The following NUP155 variants were observed in gnomAD, a reference collection of about 807,000 sequenced individuals.
NUP155 encodes the protein nuclear pore complex protein Nup155.
NUP155 carries 71 observed loss-of-function variants against 180.4 expected under a neutral mutation model. That is an observed-to-expected ratio of 0.39 (90% CI 0.33 to 0.48). The LOEUF (loss-of-function observed/expected upper bound fraction) is 0.48, where lower values mean the gene tolerates loss of function less well. Among genes scored for constraint, NUP155 ranks in the 20% least tolerant of loss-of-function variants. The pLI is 0.91. For synonymous variants in NUP155, 582 were observed against 559.5 expected, an observed-to-expected ratio of 1.04 and a Z score of -0.57; for missense variants, 1,553 against 1,648.9, an observed-to-expected ratio of 0.94 and a Z score of 1.01.
At chr5:37,296,738 T>A (rs1194313080) in intron 32 of NUP155, among the ~76,000 whole-genome samples, 1 of 151,596 alleles carries the variant, frequency 6.6e-6, no homozygotes, top group Non-Finnish European at 1.5e-5. Context: ...CTTTAACAGC[T>A]TTTCAGAAAA....
At chr5:37,320,874 T>C (rs1300922489) in intron 20 of NUP155, among the ~76,000 whole-genome samples, 1 of 152,202 alleles carries the variant, frequency 6.6e-6, no homozygotes, top group Non-Finnish European at 1.5e-5. Flanking sequence ...AAATTATTAA[T>C]GCTGACTGAG....
rs2111591471 is a variant in NUP155, at chr5:37,351,094, A to G, written c.723+96T>C. On this transcript the variant is annotated intron_variant, in intron 6 of 34. Coordinates refer to ENST00000231498, the MANE Select transcript of NUP155 (RefSeq NM_153485.3). ...GCTTGAATATTTACCATAAAAATAT[A>G]TTAATGTCCTTATATAATTAGAAAA... 5.2e-6 allele frequency: 5 copies of G among 965,480 alleles called. No homozygotes were observed. The South Asian group carries it at 7.3e-5, about 14-fold the overall frequency. The allele number at this position is 965,480 out of a possible 1,614,324, so 59.8% of individuals were successfully genotyped here.
intron 21 of NUP155, among the ~76,000 whole-genome samples, chr5:37,317,415 G>A (rs1352921896): frequency 6.6e-6 from 1 of 151,626 alleles, no homozygotes; most frequent in Non-Finnish European, 1.5e-5. Context: ...TTGAACCCAG[G>A]AGGCAGAGGT....
At chr5:37,296,384 C>T (rs1269652348) in intron 32 of NUP155, among the ~76,000 whole-genome samples, 1 of 151,918 alleles carries the variant, frequency 6.6e-6, no homozygotes, top group Non-Finnish European at 1.5e-5. Context: ...TACCCCCAAC[C>T]CTGTGCTCTC....
chr5:37,292,599 A>G (rs953465699), intron 34 of NUP155, among the ~76,000 whole-genome samples: 4 of 152,162 alleles, frequency 2.6e-5, no homozygotes, highest in African/African-American at 9.7e-5. Flanking sequence ...TAAATGGCCA[A>G]TAATATCACA....
Position 37,370,951 on chromosome 5 carries a change from C to G in NUP155, c.27G>C (p.Ala9=). Residue 9 remains alanine (A), a synonymous_variant, in exon 1 of 35, where the codon GCG becomes GCC. Coordinates refer to ENST00000231498, the MANE Select transcript of NUP155 (RefSeq NM_153485.3). ...CTGCGGCAGATGTAGAGGCCGGCAT[C>G]GCCGCGCCCAACAAAGAAGACGGCA... The part of the protein sequence containing the change: MPSSLLGA[A]MPASTSAAAL... 2 of 1,614,098 alleles carry G rather than the reference C, an allele frequency of 1.2e-6. No individual in the cohort carries two copies. The highest frequency in any genetic ancestry group is 1.7e-6 in the Non-Finnish European group (2 of 1,180,048).
intron 23 of NUP155, 25 bp downstream of exon 23, chr5:37,310,527 T>C (rs1322527169): frequency 6.3e-7 from 1 of 1,580,386 alleles, no homozygotes; most frequent in East Asian, 2.2e-5. Context: ...TAACAAACAA[T>C]GAAATAGGTA....
chr5:37,370,630 G>T, intron 1 of NUP155, 191 bp downstream of exon 1: 1 of 1,513,930 alleles, frequency 6.6e-7, no homozygotes, highest in Non-Finnish European at 8.8e-7. Flanking sequence ...GCCCTCTCAA[G>T]TATCTACAAT....
intron 31 of NUP155, among the ~76,000 whole-genome samples, chr5:37,299,179 G>A (rs540722771): frequency 4.6e-5 from 7 of 152,294 alleles, no homozygotes; most frequent in African/African-American, 1.7e-4. Context: ...AGATTCTGAG[G>A]TGAGTGTCTC....
chr5:37,310,503 C>A (rs1190816864), intron 23 of NUP155, 49 bp downstream of exon 23: 1 of 1,474,564 alleles, frequency 6.8e-7, no homozygotes, highest in Non-Finnish European at 9.5e-7. Flanking sequence ...GTTCATCATA[C>A]ATGATACCTC....
intron 24 of NUP155, 52 bp from the exon 25 acceptor site, chr5:37,307,484 C>A: frequency 6.4e-7 from 1 of 1,568,794 alleles, no homozygotes; most frequent in Admixed American, 1.7e-5. Context: ...AAGTTGGATA[C>A]ATTTTTCCTT....
chr5:37,307,747 C>T (rs1054776745), intron 24 of NUP155, among the ~76,000 whole-genome samples: 1 of 151,898 alleles, frequency 6.6e-6, no homozygotes, highest in Admixed American at 6.6e-5. Flanking sequence ...CATGGTGAAA[C>T]CCCACCTCTA....
intron 12 of NUP155, among the ~76,000 whole-genome samples, chr5:37,337,389 AAC>A (rs1339037806): frequency 3.3e-5 from 5 of 152,302 alleles, no homozygotes; most frequent in Admixed American, 2.6e-4. Context: ...TTAAAAAAAA[AAC>A]AGACAAAATT....
chr5:37,310,802 G>A (rs1424593871), intron 22 of NUP155, 59 bp from the exon 23 acceptor site: 2 of 1,286,662 alleles, frequency 1.6e-6, no homozygotes, highest in Non-Finnish European at 2.2e-6. Flanking sequence ...TAAACATAAT[G>A]AAATTATTTT....
chr5:37,305,040 T>C lies in NUP155; in HGVS notation c.3057+17A>G. On this transcript the variant is annotated intron_variant, in intron 26 of 34. Transcript: ENST00000231498. ...AAACAGTGTATTCTCAGAATGAAAATATACTATGTCCCTTACATGATGTCC... is the reference window on the plus strand; with the variant it reads ...AAACAGTGTATTCTCAGAATGAAAACATACTATGTCCCTTACATGATGTCC... 1.2e-6 allele frequency: 2 copies of C among 1,612,544 alleles called. No homozygotes were observed. Among genetic ancestry groups the C allele is most frequent in the Non-Finnish European group, 8.5e-7 (1 of 1,179,654 alleles).
chr5:37,355,929 A>T (rs934468103), intron 4 of NUP155, among the ~76,000 whole-genome samples: 1 of 151,834 alleles, frequency 6.6e-6, no homozygotes, highest in African/African-American at 2.4e-5. Flanking sequence ...AGTAACTCTG[A>T]TAAGAGATTT....
At chr5:37,342,672 T>C (rs766583693) in intron 9 of NUP155, 26 bp from the exon 10 acceptor site, 89 of 1,381,950 alleles carry the variant, frequency 6.4e-5, no homozygotes, top group Non-Finnish European at 1.0e-6. Flanking sequence ...AAATAAAGTG[T>C]ATTTTTAAAA....
rs192869342 is a variant in NUP155, at chr5:37,299,089, A to G, written c.3683-111T>C. 9.6e-6 allele frequency: 7 copies of G among 730,868 alleles called. No homozygotes were observed. In the East Asian group the frequency reaches 1.3e-4, roughly 14 times the overall value. The allele number at this position is 730,868 out of a possible 1,614,324, so 45.3% of individuals were successfully genotyped here. A position where few individuals can be genotyped will look rare whatever the true frequency, so the allele number is the denominator to read the frequency against. ...TCAAAATACTTTAGAACAGATAGTC[A>G]CATTAATATGATTAACAGATTTGGT... On this transcript the variant is annotated intron_variant, in intron 31 of 34. Transcript: ENST00000231498.
At position 37,355,547 on chromosome 5, in the gene NUP155, G is replaced by GTATATA. The variant is rs928272635; in HGVS notation, c.463+2528_463+2533dup. On this transcript the variant is annotated intron_variant, in intron 4 of 34. Coordinates refer to ENST00000231498, the MANE Select transcript of NUP155 (RefSeq NM_153485.3). ...ACGGTTAAAGAATGTGTGTGTGTGT[G>GTATATA]TATATATATATATATTTATTTATTT... 7.9e-3 allele frequency among the ~76,000 whole-genome samples: 1,161 copies of GTATATA among 147,336 alleles called. 17 individuals are homozygous for GTATATA. Among genetic ancestry groups the GTATATA allele is most frequent in the African/African-American group, 0.028 (1,090 of 39,594 alleles).
Sources: allele counts gnomAD v4.1 joint callset (sites outside exome capture counted in the v4.1 genomes callset), GRCh38; gene constraint gnomAD v4.1.1; transcripts MANE v1.5; gene names NCBI Gene and HGNC (gene_info 2026-07-23, HGNC 2026-07-21).